ZCCHC14: variants seen among roughly 807,000 people sequenced by gnomAD.
ZCCHC14 encodes zinc finger CCHC-type containing 14.
ZCCHC14 carries 16 observed loss-of-function variants against 85.0 expected under a neutral mutation model. That is an observed-to-expected ratio of 0.19 (90% CI 0.13 to 0.29). The LOEUF (loss-of-function observed/expected upper bound fraction) is 0.29. Ranked by LOEUF, ZCCHC14 falls within the 10% of genes least tolerant of loss-of-function variation. The pLI, the probability that ZCCHC14 is intolerant of heterozygous loss-of-function variation, is 1.00. For missense variants in ZCCHC14, 1,303 were observed against 1,443.5 expected (o/e 0.90, Z 1.58); for synonymous variants, 775 against 630.7 (o/e 1.23, Z -3.43).
chr16:87,414,645 A>G (rs1908687088), intron 9 of ZCCHC14, 104 bp from the exon 10 acceptor site: 1 of 1,458,572 alleles, frequency 6.9e-7, no homozygotes, highest in Non-Finnish European at 9.1e-7. Context: ...CGGCTTTGAT[A>G]CAGGGCGACT....
intron 2 of ZCCHC14, among the ~76,000 whole-genome samples, chr16:87,440,432 T>C (rs1910128573): frequency 6.6e-6 from 1 of 152,172 alleles, no homozygotes; most frequent in Non-Finnish European, 1.5e-5. Flanking sequence ...CCCAAAGTGC[T>C]GGGATTACAG....
intron 2 of ZCCHC14, among the ~76,000 whole-genome samples, chr16:87,442,081 T>C (rs532983976): frequency 2.6e-5 from 4 of 152,354 alleles, no homozygotes; most frequent in African/African-American, 4.8e-5. Flanking sequence ...TACAGAAGGA[T>C]AGCAGAGAGG....
intron 2 of ZCCHC14, among the ~76,000 whole-genome samples, chr16:87,436,462 G>A (rs1597417711): frequency 6.6e-6 from 1 of 152,394 alleles, no homozygotes; most frequent in South Asian, 2.1e-4. Context: ...CAAGGAGTGA[G>A]GGGCCGGGCT....
chr16:87,446,698 T>TC (rs1280157289), intron 2 of ZCCHC14, among the ~76,000 whole-genome samples: 1 of 148,686 alleles, frequency 6.7e-6, no homozygotes, highest in East Asian at 2.0e-4. Flanking sequence ...ACTGACTTTC[T>TC]TTTTTTTTTG....
chr16:87,412,479 G>C lies in ZCCHC14; in HGVS notation c.2242C>G (p.Gln748Glu). Residue 748 changes from glutamine (Q) to glutamate (E), a missense_variant, in exon 12 of 13, where the codon CAA becomes GAA. Around this residue, in one of 7 missense-constraint regions of ZCCHC14, gnomAD observed 797 missense variants for 730.8 expected, o/e 1.09. Transcript: ENST00000671377. ...TLDRVLKTAQ[Q>E]PALVVETSTA... is the part of the protein sequence containing the mutation. ...CTGGTCTCCACGACCAGGGCCGGTT[G>C]CTGTGCTGTCTTCAGCACCCTGTCC... 6.2e-7 allele frequency: 1 copy of C among 1,613,944 alleles called. No individual in the cohort carries two copies. The highest frequency in any genetic ancestry group is 1.7e-5 in the Admixed American group (1 of 60,028).
At chr16:87,435,592 G>C (rs542111134) in intron 2 of ZCCHC14, among the ~76,000 whole-genome samples, 1 of 152,364 alleles carries the variant, frequency 6.6e-6, no homozygotes, top group South Asian at 2.1e-4. Flanking sequence ...TCGCTCCCCA[G>C]CGTGTGCTGC....
Position 87,492,342 on chromosome 16 carries a change from G to A in ZCCHC14, c.-104C>T, listed in dbSNP as rs866475027. On this transcript the variant is annotated 5_prime_UTR_variant, in exon 1 of 13. Transcript: ENST00000671377. This position sits in a 1 kb window ranked among gnomAD's most constrained non-coding sequence, Gnocchi z 6.7. Reference sequence around the variant, plus strand: ...GGGCGCGCCGGGACCGGGGACGCGCGGGCCGGGGCCGGGTCCGGGCGAGGG... The same window carrying A: ...GGGCGCGCCGGGACCGGGGACGCGCAGGCCGGGGCCGGGTCCGGGCGAGGG... The A allele has an allele frequency of 4.7e-4, 125 of 265,206 alleles. 1 individual carries two copies. In the Middle Eastern group the frequency reaches 0.014, roughly 29 times the overall value. 16.4% of individuals were successfully genotyped at this position (265,206 alleles called of 1,614,324 possible).
At chr16:87,444,751 A>G (rs1479741768) in intron 2 of ZCCHC14, among the ~76,000 whole-genome samples, 1 of 152,132 alleles carries the variant, frequency 6.6e-6, no homozygotes, top group African/African-American at 2.4e-5. Context: ...AAGACAAGGG[A>G]AGATGGAGGA....
chr16:87,444,010 C>A (rs1910310391), intron 2 of ZCCHC14, among the ~76,000 whole-genome samples: 1 of 146,326 alleles, frequency 6.8e-6, no homozygotes, highest in African/African-American at 2.6e-5. Context: ...GCACTGCAGC[C>A]TGGGTGACAG....
intron 1 of ZCCHC14, among the ~76,000 whole-genome samples, chr16:87,461,272 G>A (rs1470719460): frequency 1.3e-5 from 2 of 152,214 alleles, no homozygotes; most frequent in East Asian, 1.9e-4. Context: ...CCAGAGGGGC[G>A]AGAGGAGGGG....
In ZCCHC14 at chr16:87,414,521, C is replaced by A. The variant is rs1908680620; in HGVS notation, c.1496G>T (p.Cys499Phe). 1.2e-6 allele frequency: 2 copies of A among 1,612,158 alleles called. No individual in the cohort carries two copies. Among genetic ancestry groups the A allele is most frequent in the Non-Finnish European group, 1.7e-6 (2 of 1,178,976 alleles). Residue 499 changes from cysteine to phenylalanine, a missense_variant, in exon 10 of 13, where the codon TGC becomes TTC. By Grantham distance (205) the Cys-to-Phe change is radical (BLOSUM62 -2). Coordinates refer to ENST00000671377, the MANE Select transcript of ZCCHC14 (RefSeq NM_015144.3). The stretch of plus-strand genomic sequence containing the variant: ...CAGCGGCGGGGCCGAGGGGTTCAGG[C>A]ACCGTCTCTCTGACTTCTCCCTGTG... ...ELEKEKSERR[C>F]LNPSAPPLVT...
rs1908199675 is a variant in ZCCHC14, at chr16:87,406,318, G to A, written c.*3962C>T. ...AAAACATTCTAAAAATGTACAATTTGTCCTTTTTAACAAAGTATAATAAAA... is the reference window on the plus strand; with the variant it reads ...AAAACATTCTAAAAATGTACAATTTATCCTTTTTAACAAAGTATAATAAAA... On this transcript the variant is annotated 3_prime_UTR_variant, in exon 13 of 13. Coordinates refer to ENST00000671377, the MANE Select transcript of ZCCHC14 (RefSeq NM_015144.3). The A allele has an allele frequency of 6.6e-6, 1 of 152,480 alleles. No homozygotes were observed. Among genetic ancestry groups the A allele is most frequent in the Non-Finnish European group, 1.5e-5 (1 of 68,012 alleles). The allele number at this position is 152,480 out of a possible 1,614,324, so 9.4% of individuals were successfully genotyped here. A position where few individuals can be genotyped will look rare whatever the true frequency, so the allele number is the denominator to read the frequency against.
chr16:87,439,026 G>A (rs1197021575), intron 2 of ZCCHC14, among the ~76,000 whole-genome samples: 2 of 152,158 alleles, frequency 1.3e-5, no homozygotes, highest in Non-Finnish European at 2.9e-5. Context: ...CACAAGCTAA[G>A]ACAAGCCACG....
Position 87,457,101 on chromosome 16 carries a change from G to A in ZCCHC14, c.694+2907C>T, listed in dbSNP as rs375046824. Reference sequence around the variant, plus strand: ...GCAGTTCTCAGCCACACCCACGAGGGGCAGGGGGCTCAGAAGCCACACACA... The same window carrying A: ...GCAGTTCTCAGCCACACCCACGAGGAGCAGGGGGCTCAGAAGCCACACACA... On this transcript the variant is annotated intron_variant, in intron 2 of 12. Coordinates refer to ENST00000671377, the MANE Select transcript of ZCCHC14 (RefSeq NM_015144.3). Among the ~76,000 whole-genome samples the A allele has an allele frequency of 5.4e-4, 83 of 152,320 alleles. No individual in the cohort carries two copies. In the South Asian group the frequency reaches 0.012, roughly 22 times the overall value.
chr16:87,429,821 G>C (rs1288584673), intron 3 of ZCCHC14, among the ~76,000 whole-genome samples: 2 of 152,192 alleles, frequency 1.3e-5, no homozygotes. Flanking sequence ...TGGCTAGGCT[G>C]GTCTCAAACT....
chr16:87,417,403 G>T, intron 8 of ZCCHC14, 57 bp downstream of exon 8: 1 of 1,582,940 alleles, frequency 6.3e-7, no homozygotes, highest in Non-Finnish European at 8.6e-7. Flanking sequence ...TGCCCCCAGG[G>T]AGGTCTTGAG....
chr16:87,443,488 C>G (rs961750188), intron 2 of ZCCHC14, among the ~76,000 whole-genome samples: 1 of 152,202 alleles, frequency 6.6e-6, no homozygotes, highest in East Asian at 1.9e-4. Flanking sequence ...GTAATCCCAG[C>G]ACTTTGGGAG....
At chr16:87,440,185 A>G (rs761620935) in intron 2 of ZCCHC14, among the ~76,000 whole-genome samples, 6 of 151,188 alleles carry the variant, frequency 4.0e-5, no homozygotes, top group East Asian at 1.9e-4. Flanking sequence ...TTTTTTTAAG[A>G]TAAGAGTTTT....
intron 2 of ZCCHC14, among the ~76,000 whole-genome samples, chr16:87,439,162 G>C (rs1291728470): frequency 6.7e-6 from 1 of 150,278 alleles, no homozygotes; most frequent in Non-Finnish European, 1.5e-5. Flanking sequence ...TTTTTTTAGA[G>C]GGAGTCTTGC....
Sources: allele counts gnomAD v4.1 joint callset (sites outside exome capture counted in the v4.1 genomes callset), GRCh38; gene constraint gnomAD v4.1.1; regional missense constraint gnomAD v4.1.1; non-coding constraint Gnocchi (gnomAD v3.1); transcripts MANE v1.5; gene names NCBI Gene and HGNC (gene_info 2026-07-23, HGNC 2026-07-21).